The following SYNRG variants were observed in gnomAD, a reference collection of about 807,000 sequenced individuals.
SYNRG encodes the protein AP1 gamma subunit binding protein 1.
In SYNRG, 37 loss-of-function variants were observed where a neutral mutation model predicts 130.9. The ratio of observed to expected loss-of-function variants is 0.28; its 90% confidence interval spans 0.22 to 0.37. SYNRG has a LOEUF of 0.37. Among genes scored for constraint, SYNRG ranks in the 10% least tolerant of loss-of-function variants. SYNRG has a pLI of 1.00. For synonymous variants in SYNRG, 539 were observed against 568.1 expected, an observed-to-expected ratio of 0.95 and a Z score of 0.73; for missense variants, 1,338 against 1,588.9, an observed-to-expected ratio of 0.84 and a Z score of 2.68.
At chr17:37,569,409 GAA>G (rs530693398) in intron 10 of SYNRG, among the ~76,000 whole-genome samples, 11 of 59,360 alleles carry the variant, frequency 1.9e-4, no homozygotes, top group Admixed American at 2.2e-4. Context: ...GACTCTGGCT[GAA>G]AAAAAAAAAA....
At chr17:37,574,227 C>A (rs1236130057) in intron 8 of SYNRG, among the ~76,000 whole-genome samples, 1 of 152,038 alleles carries the variant, frequency 6.6e-6, no homozygotes, top group Non-Finnish European at 1.5e-5. Flanking sequence ...AAACTAGACC[C>A]CATCCCACAC....
intron 1 of SYNRG, chr17:37,605,857 C>G: frequency 1.0e-6 from 1 of 985,418 alleles, no homozygotes; most frequent in Non-Finnish European, 1.2e-6. Context: ...GTTACCTTTG[C>G]TACTAACCTA....
chr17:37,590,900 G>A (rs940216177), intron 3 of SYNRG, among the ~76,000 whole-genome samples: 1 of 152,120 alleles, frequency 6.6e-6, no homozygotes, highest in South Asian at 2.1e-4. Context: ...AAGCCTGGGC[G>A]ACAGAGTAGT....
At chr17:37,572,075 C>T in intron 8 of SYNRG, 88 bp from the exon 9 acceptor site, 1 of 1,164,268 alleles carries the variant, frequency 8.6e-7, no homozygotes, top group Non-Finnish European at 1.2e-6. Flanking sequence ...CAAGAATAAT[C>T]TTCAACAAAA....
At chr17:37,552,724 A>G (rs2058802850) in intron 14 of SYNRG, among the ~76,000 whole-genome samples, 1 of 152,224 alleles carries the variant, frequency 6.6e-6, no homozygotes. Flanking sequence ...TGTATACCCA[A>G]GAGAAGAAAA....
chr17:37,520,541 G>A lies in SYNRG; in HGVS notation c.3774C>T (p.Ser1258=), dbSNP rs1427083825. The change falls in exon 20 of 22, where the codon AGC becomes AGT. Residue 1258 remains serine (S), a synonymous_variant. Transcript: ENST00000612223. ...GVCLLNVDSR[S]RKEEKPAEEH... ...GCAAGGAGGCTGCGTGACTTACCCG[G>A]CTCCTCGAGTCCACATTCAAGAGGC... is the stretch of plus-strand genomic sequence containing the variant. The A allele has an allele frequency of 6.2e-7, 1 of 1,613,828 alleles. No homozygotes were observed. The highest frequency in any genetic ancestry group is 8.5e-7 in the Non-Finnish European group (1 of 1,179,914).
chr17:37,531,933 T>G (rs143421715), intron 19 of SYNRG, among the ~76,000 whole-genome samples: 5 of 152,356 alleles, frequency 3.3e-5, no homozygotes, highest in African/African-American at 1.2e-4. Context: ...GGGCTAAAGA[T>G]TCACCACAAT....
At chr17:37,577,701 T>C (rs2060956477) in intron 6 of SYNRG, 88 bp from the exon 7 acceptor site, 7 of 1,019,332 alleles carry the variant, frequency 6.9e-6, no homozygotes, top group Non-Finnish European at 9.8e-6. Flanking sequence ...TATTCTTTTT[T>C]TTTTTTTTTT....
chr17:37,542,034 T>G lies in SYNRG; in HGVS notation c.3140A>C (p.Lys1047Thr). The G allele has an allele frequency of 6.2e-7, 1 of 1,614,240 alleles. No individual in the cohort carries two copies. Among genetic ancestry groups the G allele is most frequent in the Non-Finnish European group, 8.5e-7 (1 of 1,180,042 alleles). The stretch of plus-strand genomic sequence containing the variant: ...GATCATTTCTTCACTGGATTTCATT[T>G]TGCTTTGTGAAGTGGCTACTAAGAA... The part of the protein sequence containing the change: ...FDFLVATSQS[K>T]MKSSEEMIKS... The change falls in exon 15 of 22, where the codon AAA becomes ACA. Residue 1047 changes from lysine (K) to threonine (T), a missense_variant. Physicochemically the swap from Lys to Thr is moderately conservative, Grantham distance 78 (BLOSUM62 -1). Transcript: ENST00000612223.
At chr17:37,566,300 T>C (rs1418024832) in intron 11 of SYNRG, among the ~76,000 whole-genome samples, 10 of 149,344 alleles carry the variant, frequency 6.7e-5, no homozygotes, top group African/African-American at 2.2e-4. Flanking sequence ...AGAAAAATTC[T>C]TCTGCCTTGG....
At position 37,518,516 on chromosome 17, in the gene SYNRG, ATAAATGTATTCTACTT is replaced by A. The variant is rs1036426141; in HGVS notation, c.*408_*423del. The A allele has an allele frequency of 6.2e-6, 1 of 161,932 alleles. No individual in the cohort carries two copies. The highest frequency in any genetic ancestry group is 1.3e-5 in the Non-Finnish European group (1 of 74,344). The allele number at this position is 161,932 out of a possible 1,614,324, so 10.0% of individuals were successfully genotyped here. On this transcript the variant is annotated 3_prime_UTR_variant, in exon 22 of 22. Transcript: ENST00000612223. ...TCAGACATTAACAAACTAAATGCAG[ATAAATGTATTCTACTT>A]CACAGGACAGTAAGTGTCCTAGATA... is the stretch of plus-strand genomic sequence containing the variant.
chr17:37,550,986 C>T (rs1402190126), intron 14 of SYNRG, among the ~76,000 whole-genome samples: 1 of 152,290 alleles, frequency 6.6e-6, no homozygotes, highest in Admixed American at 6.5e-5. Flanking sequence ...AGAAATCAGG[C>T]AATGTTATCA....
rs2058860971 is a variant in SYNRG, at chr17:37,553,496, T to C, written c.2227A>G (p.Thr743Ala). ...AGTTGTCTGAAGACATCGTACTTGG[T>C]AGACGCAGCAGTCGAGTTTTGTCCA... ...KGGQNSTAAS[T>A]KYDVFRQLSL... Residue 743 changes from threonine to alanine, a missense_variant, in exon 14 of 22, where the codon ACC (threonine) becomes GCC (alanine). Coordinates refer to ENST00000612223, the MANE Select transcript of SYNRG (RefSeq NM_007247.6). 1.2e-6 allele frequency: 2 copies of C among 1,614,200 alleles called. No individual in the cohort carries two copies. The highest frequency in any genetic ancestry group is 1.1e-5 in the South Asian group (1 of 91,080).
chr17:37,567,489 A>C (rs1307962305), intron 11 of SYNRG: 1 of 152,236 alleles, frequency 6.6e-6, no homozygotes. Context: ...TTTTGTTTGA[A>C]GGAAGAGATC....
At position 37,594,231 on chromosome 17, in the gene SYNRG, T is replaced by C. The variant is rs909319791; in HGVS notation, c.240+1992A>G. Among the ~76,000 whole-genome samples the C allele has an allele frequency of 4.1e-5, 6 of 144,876 alleles. No individual in the cohort carries two copies. The East Asian group carries it at 1.3e-3, about 32-fold the overall frequency. ...ACAATATTAATTATTTTAATTATAT[T>C]AATTACAATATTAATTATTTTAATT... On this transcript the variant is annotated intron_variant, in intron 3 of 21. Transcript: ENST00000612223.
At chr17:37,589,076 A>T (rs2061930308) in intron 3 of SYNRG, among the ~76,000 whole-genome samples, 1 of 152,236 alleles carries the variant, frequency 6.6e-6, no homozygotes, top group African/African-American at 2.4e-5. Context: ...AGAACTCAGA[A>T]ATCTGAGATA....
intron 1 of SYNRG, among the ~76,000 whole-genome samples, chr17:37,608,860 A>G (rs2064077537): frequency 6.6e-6 from 1 of 152,176 alleles, no homozygotes; most frequent in Admixed American, 6.5e-5. Context: ...AGCTTTGTGA[A>G]CAGATTTTTA....
chr17:37,596,000 C>A (rs1261921364), intron 3 of SYNRG, among the ~76,000 whole-genome samples: 1 of 152,200 alleles, frequency 6.6e-6, no homozygotes, highest in Non-Finnish European at 1.5e-5. Flanking sequence ...AGTGATCTGC[C>A]CGCCTTGGCC....
intron 1 of SYNRG, chr17:37,606,126 A>C (rs2063726059): frequency 7.4e-6 from 4 of 543,058 alleles, no homozygotes; most frequent in Non-Finnish European, 7.0e-6. Context: ...TTTGGGCACA[A>C]CTCTACTTTG....
Sources: gnomAD v4.1 joint callset for allele counts (sites outside exome capture counted in the v4.1 genomes callset) on GRCh38, gnomAD v4.1.1 for gene constraint, MANE v1.5 for transcripts, NCBI Gene and HGNC (gene_info 2026-07-23, HGNC 2026-07-21) for gene names.